Variants in DST observed in about 807,000 individuals in gnomAD.
DST encodes bullous pemphigoid antigen.
DST carries 253 observed loss-of-function variants against 875.2 expected under a neutral mutation model. That is an observed-to-expected ratio of 0.29 (90% CI 0.26 to 0.32). The LOEUF (loss-of-function observed/expected upper bound fraction) is 0.32, where lower values mean the gene tolerates loss of function less well. Among genes scored for constraint, DST ranks in the 10% least tolerant of loss-of-function variants. The pLI is 1.00. For missense variants in DST, 8,287 were observed against 9,111.6 expected, an observed-to-expected ratio of 0.91 and a Z score of 3.68; for synonymous variants, 3,124 against 3,197.1, an observed-to-expected ratio of 0.98 and a Z score of 0.77.
chr6:56,899,767 C>A (rs1001821970), intron 3 of DST, among the ~76,000 whole-genome samples: 1 of 152,214 alleles, frequency 6.6e-6, no homozygotes, highest in African/African-American at 2.4e-5. Context: ...GCACACAGAA[C>A]AACGTGCTCA....
chr6:56,662,981 A>C (rs1008165534), intron 10 of DST, among the ~76,000 whole-genome samples: 1 of 152,136 alleles, frequency 6.6e-6, no homozygotes, highest in African/African-American at 2.4e-5. Flanking sequence ...AACAAAACAA[A>C]GAAACAAAAC....
chr6:56,847,002 C>CA (rs569665465), intron 4 of DST, among the ~76,000 whole-genome samples: 10,843 of 51,084 alleles, frequency 0.21, 1,069 homozygotes, highest in Non-Finnish European at 0.27. Flanking sequence ...GACCCTGTCT[C>CA]AAAAAAAAAA....
chr6:56,839,907 GAT>G (rs762330927), intron 4 of DST, among the ~76,000 whole-genome samples: 12 of 152,096 alleles, frequency 7.9e-5, no homozygotes, highest in Non-Finnish European at 1.8e-4. Context: ...TGGGGTTAGT[GAT>G]ATTACAGGTA....
At chr6:56,954,104 G>A (rs181524404) in intron 1 of DST, among the ~76,000 whole-genome samples, 22 of 152,350 alleles carry the variant, frequency 1.4e-4, no homozygotes, top group Admixed American at 1.3e-3. Context: ...GTGAAGGCGA[G>A]GCTGGCGCAG....
intron 10 of DST, 57 bp from the exon 11 acceptor site, chr6:56,651,301 A>G: frequency 1.9e-6 from 2 of 1,053,124 alleles, no homozygotes; most frequent in Non-Finnish European, 2.8e-6. Context: ...TCAACATTAT[A>G]TAATTATATA....
chr6:56,679,984 G>A (rs564997765), intron 9 of DST, among the ~76,000 whole-genome samples: 12 of 151,886 alleles, frequency 7.9e-5, no homozygotes, highest in Non-Finnish European at 1.3e-4. Flanking sequence ...CAACTTCCTA[G>A]CGATCTCATT....
chr6:56,901,712 C>T (rs1453021308), intron 2 of DST, among the ~76,000 whole-genome samples: 1 of 152,014 alleles, frequency 6.6e-6, no homozygotes, highest in Non-Finnish European at 1.5e-5. Context: ...GTATCTGACA[C>T]ATAGGAAGTG....
chr6:56,476,687 T>A (rs911385461), intron 91 of DST, among the ~76,000 whole-genome samples: 15 of 152,216 alleles, frequency 9.9e-5, no homozygotes, highest in Admixed American at 5.2e-4. Flanking sequence ...CAGGGCGTGG[T>A]GGCTCACGCC....
At chr6:56,539,178 T>G (rs193007734) in intron 61 of DST, among the ~76,000 whole-genome samples, 1 of 152,180 alleles carries the variant, frequency 6.6e-6, no homozygotes, top group African/African-American at 2.4e-5. Flanking sequence ...GGTCTTGGTT[T>G]TAAATTAATT....
chr6:56,670,133 CGTGTGTGTGT>C (rs70989723), intron 10 of DST, among the ~76,000 whole-genome samples: 103 of 146,296 alleles, frequency 7.0e-4, no homozygotes, highest in African/African-American at 1.3e-3. Context: ...AGCGCCCGTG[CGTGTGTGTGT>C]GTGTGTGTGT....
Position 56,604,885 on chromosome 6 carries a change from C to G in DST, c.9743G>C (p.Cys3248Ser), listed in dbSNP as rs765125014. 1 of 1,612,616 alleles carries G rather than the reference C, an allele frequency of 6.2e-7. No homozygotes were observed. Among genetic ancestry groups the G allele is most frequent in the Non-Finnish European group, 8.5e-7 (1 of 1,179,260 alleles). The stretch of plus-strand genomic sequence containing the variant: ...TCCTCCTGAGATGCTTTCTTTACTA[C>G]AAAGATCATTGCTTTGGATCATGTC... ...LNDMIQSNDL[C>S]SKESISGGGT... Residue 3248 changes from cysteine (C) to serine (S), a missense_variant, in exon 40 of 104, where the codon TGT becomes TCT. Cys to Ser is a moderately radical substitution (Grantham distance 112, BLOSUM62 -1). Coordinates refer to ENST00000680361, the MANE Select transcript of DST (RefSeq NM_001374736.1).
intron 9 of DST, among the ~76,000 whole-genome samples, chr6:56,682,226 G>A (rs2099160389): frequency 6.6e-6 from 1 of 152,102 alleles, no homozygotes; most frequent in Non-Finnish European, 1.5e-5. Flanking sequence ...AGACTGGAGT[G>A]CAATGGCACC....
At chr6:56,866,801 A>G (rs1774349666) in intron 3 of DST, among the ~76,000 whole-genome samples, 1 of 152,226 alleles carries the variant, frequency 6.6e-6, no homozygotes, top group Non-Finnish European at 1.5e-5. Flanking sequence ...GCAAACCCAT[A>G]GCAGGTGCTC....
At chr6:56,627,478 A>G (rs1344529238) in intron 33 of DST, among the ~76,000 whole-genome samples, 191 bp from the exon 34 acceptor site, 2 of 152,162 alleles carry the variant, frequency 1.3e-5, no homozygotes, top group African/African-American at 2.4e-5. Context: ...GACCCACCCC[A>G]TGTGGTTTTC....
At position 56,695,126 on chromosome 6, in the gene DST, C is replaced by CAAAAAAAAAAAAA. The variant is rs34456344; in HGVS notation, c.1047+4514_1047+4526dup. Among the ~76,000 whole-genome samples, 8 of 70,056 alleles carry CAAAAAAAAAAAAA rather than the reference C, an allele frequency of 1.1e-4. 1 individual carries two copies. Among genetic ancestry groups the CAAAAAAAAAAAAA allele is most frequent in the East Asian group, 5.5e-4 (1 of 1,810 alleles). The allele number at this position is 70,056 out of a possible 152,430, so 46.0% of individuals were successfully genotyped here. On this transcript the variant is annotated intron_variant, in intron 9 of 103. Coordinates refer to ENST00000680361, the MANE Select transcript of DST (RefSeq NM_001374736.1). ...TGGGCGACAGAGCGAGACTCCCTCT[C>CAAAAAAAAAAAAA]AAAAAAAAAAAAAAAAAAAAAGAGT...
At chr6:56,656,376 G>A (rs931245084) in intron 10 of DST, among the ~76,000 whole-genome samples, 1 of 152,222 alleles carries the variant, frequency 6.6e-6, no homozygotes, top group Non-Finnish European at 1.5e-5. Flanking sequence ...GCTCTCATGT[G>A]CCCTCAGCTT....
At chr6:56,813,446 G>A (rs1374624827) in intron 4 of DST, among the ~76,000 whole-genome samples, 1 of 151,354 alleles carries the variant, frequency 6.6e-6, no homozygotes, top group African/African-American at 2.4e-5. Flanking sequence ...TTTAAAATTC[G>A]ATGTTAATAT....
At chr6:56,539,739 G>A (rs546866483) in intron 61 of DST, among the ~76,000 whole-genome samples, 1 of 152,176 alleles carries the variant, frequency 6.6e-6, no homozygotes, top group Admixed American at 6.5e-5. Flanking sequence ...ACAAAAAGTT[G>A]GGAGCTATAA....
chr6:56,893,270 T>C (rs1476814625), intron 3 of DST, among the ~76,000 whole-genome samples: 1 of 152,246 alleles, frequency 6.6e-6, no homozygotes, highest in East Asian at 1.9e-4. Flanking sequence ...TTTCCATTCC[T>C]GAGTTACTTC....
Sources: gnomAD v4.1 joint callset for allele counts (sites outside exome capture counted in the v4.1 genomes callset) on GRCh38, gnomAD v4.1.1 for gene constraint, MANE v1.5 for transcripts, NCBI Gene and HGNC (gene_info 2026-07-23, HGNC 2026-07-21) for gene names.